Variants in DHX37 observed in about 807,000 individuals in gnomAD.
DHX37 encodes probable ATP-dependent RNA helicase DHX37.
In DHX37, 52 loss-of-function variants were observed where a neutral mutation model predicts 134.3. That is an observed-to-expected ratio of 0.39 (90% confidence interval 0.31 to 0.49). The LOEUF is 0.49. DHX37 is among the 20% of genes least tolerant of loss of function. DHX37 has a pLI of 0.93. For synonymous variants in DHX37, 634 were observed against 670.7 expected (o/e 0.95, Z 0.85); for missense variants, 1,344 against 1,580.8 (o/e 0.85, Z 2.54).
Position 124,949,877 on chromosome 12 carries a change from G to T in DHX37, c.3290+109C>A. On this transcript the variant is annotated intron_variant, in intron 25 of 26. Coordinates refer to ENST00000308736, the MANE Select transcript of DHX37 (RefSeq NM_032656.4). This position sits in a 1 kb window ranked among gnomAD's most constrained non-coding sequence, Gnocchi z 4.0. ...CCTTCAGACCTGAGCACAGACTTCT[G>T]ATGTTTTAAGCCTCCCTGTGTGTGG... is the stretch of plus-strand genomic sequence containing the variant. 1 of 1,226,040 alleles carries T rather than the reference G, an allele frequency of 8.2e-7. No individual in the cohort carries two copies. The highest frequency in any genetic ancestry group is 1.1e-6 in the Non-Finnish European group (1 of 873,426). 75.9% of individuals were successfully genotyped at this position (1,226,040 alleles called of 1,614,324 possible).
In DHX37 at chr12:124,956,770, G is replaced by A. The variant is rs369473407; in HGVS notation, c.2374C>T (p.Arg792Ter). Residue 792 changes from arginine (R) to a stop codon, truncating the protein, a stop_gained, in exon 18 of 27, where the codon CGA (arginine) becomes TGA (stop). Coordinates refer to ENST00000308736, the MANE Select transcript of DHX37 (RefSeq NM_032656.4). LOFTEE classifies it high-confidence loss of function. ...GCATAGGGCAGGCAGCCGTGTTGTC[G>A]GCTCAGTGCCAGCATCTTAGCGTAG... ...PRYAKMLALS[R>*]QHGCLPYAIT... 1.9e-6 allele frequency: 3 copies of A among 1,610,912 alleles called. No homozygotes were observed. The highest frequency in any genetic ancestry group is 2.5e-6 in the Non-Finnish European group (3 of 1,177,666).
At chr12:124,956,418 A>G (rs1006036442) in intron 18 of DHX37, among the ~76,000 whole-genome samples, 1 of 152,250 alleles carries the variant, frequency 6.6e-6, no homozygotes, top group Non-Finnish European at 1.5e-5. Flanking sequence ...GTCATAATCT[A>G]TAAGTAAATT....
Position 124,980,796 on chromosome 12 carries a change from A to G in DHX37, c.432T>C (p.Ser144=), listed in dbSNP as rs759951975. The G allele has an allele frequency of 6.4e-7, 1 of 1,558,116 alleles. No individual in the cohort carries two copies. Among genetic ancestry groups the G allele is most frequent in the South Asian group, 1.2e-5 (1 of 85,712 alleles). Residue 144 remains serine, a synonymous_variant, in exon 4 of 27, where the codon AGT becomes AGC. Coordinates refer to ENST00000308736, the MANE Select transcript of DHX37 (RefSeq NM_032656.4). The surrounding 1 kb of genome is among the most constrained non-coding windows in gnomAD (Gnocchi z 5.3). ...EVVAPGQEKI[S]SLSGAHRKRR... Reference sequence around the variant, plus strand: ...GCTTCCGGTGGGCACCGCTGAGGCTACTGATCTTCTCCTGGCCCGGGGCTA... The same window carrying G: ...GCTTCCGGTGGGCACCGCTGAGGCTGCTGATCTTCTCCTGGCCCGGGGCTA...
chr12:124,979,779 C>G (rs1954717908), intron 4 of DHX37, among the ~76,000 whole-genome samples: 1 of 152,228 alleles, frequency 6.6e-6, no homozygotes, highest in South Asian at 2.1e-4. Flanking sequence ...TCCTTGCCAC[C>G]AGATGGCACT....
chr12:124,961,214 G>A (rs1400425319), intron 15 of DHX37, among the ~76,000 whole-genome samples: 27 of 66,430 alleles, frequency 4.1e-4, no homozygotes, highest in Non-Finnish European at 5.1e-4. Context: ...ACGTGTGCAC[G>A]CACGCACACG....
chr12:124,959,986 G>A (rs1046006092), intron 16 of DHX37, among the ~76,000 whole-genome samples: 11 of 152,232 alleles, frequency 7.2e-5, no homozygotes, highest in African/African-American at 2.4e-4. Context: ...CCCCTCCACT[G>A]GAGGACTGGG....
chr12:124,957,006 G>T, intron 17 of DHX37, 23 bp downstream of exon 17: 2 of 1,524,082 alleles, frequency 1.3e-6, no homozygotes, highest in Non-Finnish European at 1.8e-6. Context: ...GCAGGAACTG[G>T]GCTCTGCATC....
At chr12:124,972,451 C>A (rs1954541310) in intron 7 of DHX37, 52 bp downstream of exon 7, 1 of 1,594,536 alleles carries the variant, frequency 6.3e-7, no homozygotes, top group African/African-American at 1.3e-5. Context: ...ATCCTAGCAT[C>A]CCGCCCCCAT....
chr12:124,965,956 C>A, intron 12 of DHX37, 144 bp from the exon 13 acceptor site: 1 of 1,020,098 alleles, frequency 9.8e-7, no homozygotes, highest in Non-Finnish European at 1.4e-6. Flanking sequence ...ACATAATTCT[C>A]TCTTCCTGCC....
At position 124,972,616 on chromosome 12, in the gene DHX37, C is replaced by T. The variant is rs139715918; in HGVS notation, c.981-17G>A. ...GAGACGACCCTGTATGGGCAGAGTT[C>T]GGGTTAGGGCAGAGCCGTGCCTGGC... On this transcript the variant is annotated splice_polypyrimidine_tract_variant and intron_variant, in intron 6 of 26. Coordinates refer to ENST00000308736, the MANE Select transcript of DHX37 (RefSeq NM_032656.4). The T allele has an allele frequency of 1.1e-4, 180 of 1,613,606 alleles. No homozygotes were observed. The East Asian group carries it at 2.3e-3, about 20-fold the overall frequency.
At chr12:124,955,498 C>T (rs919162413) in intron 18 of DHX37, among the ~76,000 whole-genome samples, 2 of 152,240 alleles carry the variant, frequency 1.3e-5, no homozygotes, top group Non-Finnish European at 2.9e-5. Flanking sequence ...TTAGTAGAGA[C>T]AGGGTTTCAC....
At chr12:124,948,637 T>G (rs1233319924) in intron 25 of DHX37, 1 of 178,562 alleles carries the variant, frequency 5.6e-6, no homozygotes, top group Non-Finnish European at 1.2e-5. Context: ...TAATCCCAGC[T>G]ACTCAGGAGG....
rs530468463 is a variant in DHX37 at position 124,959,029 on chromosome 12, C to A, written c.2157+1283G>T. Among the ~76,000 whole-genome samples the A allele has an allele frequency of 1.5e-3, 209 of 136,956 alleles. 1 individual carries two copies. Among genetic ancestry groups the A allele is most frequent in the African/African-American group, 7.2e-3 (202 of 28,104 alleles). The allele number at this position is 136,956 out of a possible 152,430, so 89.8% of individuals were successfully genotyped here. A position where few individuals can be genotyped will look rare whatever the true frequency, so the allele number is the denominator to read the frequency against. ...GGTTCCAGTGATTCTCCTGCCTCAG[C>A]CTCCCAAGTAGCTGGGATTATAGGC... On this transcript the variant is annotated intron_variant, in intron 16 of 26. Transcript: ENST00000308736.
chr12:124,957,184 G>A, intron 16 of DHX37, 49 bp from the exon 17 acceptor site: 1 of 1,443,896 alleles, frequency 6.9e-7, no homozygotes, highest in Non-Finnish European at 9.2e-7. Flanking sequence ...CCAAGAACAA[G>A]TCCGGTGCTC....
chr12:124,959,355 G>A (rs1376275126), intron 16 of DHX37, among the ~76,000 whole-genome samples: 4 of 151,830 alleles, frequency 2.6e-5, no homozygotes, highest in African/African-American at 9.7e-5. Context: ...TTACAGGCGT[G>A]AGCCACCACG....
In DHX37 at chr12:124,989,083, C is replaced by A; in HGVS notation, c.-61G>T. ...ACCAGCAGAGCAATCCGAAACCCAG[C>A]CCACGTGGGTTCCCAGACCACCAAC... On this transcript the variant is annotated 5_prime_UTR_variant, in exon 1 of 27. Coordinates refer to ENST00000308736, the MANE Select transcript of DHX37 (RefSeq NM_032656.4). 1 of 1,159,410 alleles carries A rather than the reference C, an allele frequency of 8.6e-7. No individual in the cohort carries two copies. Among genetic ancestry groups the A allele is most frequent in the Non-Finnish European group, 1.1e-6 (1 of 903,872 alleles). 71.8% of individuals were successfully genotyped at this position (1,159,410 alleles called of 1,614,324 possible). A position where few individuals can be genotyped will look rare whatever the true frequency, so the allele number is the denominator to read the frequency against.
At chr12:124,974,557 G>A (rs1954592539) in intron 6 of DHX37, among the ~76,000 whole-genome samples, 1 of 149,758 alleles carries the variant, frequency 6.7e-6, no homozygotes, top group Non-Finnish European at 1.5e-5. Context: ...GGATGGGCCT[G>A]GCACACTAGA....
At chr12:124,974,067 C>T (rs147988227) in intron 6 of DHX37, among the ~76,000 whole-genome samples, 390 of 151,928 alleles carry the variant, frequency 2.6e-3, no homozygotes, top group African/African-American at 8.1e-3. Flanking sequence ...CATTCTCCTG[C>T]CTCAGCCTCC....
chr12:124,985,971 G>A (rs1954863804), intron 2 of DHX37, 125 bp downstream of exon 2: 1 of 1,240,820 alleles, frequency 8.1e-7, no homozygotes, highest in Admixed American at 2.3e-5. Flanking sequence ...ACCATGCACT[G>A]GAATTTTCCT....
Sources: allele counts gnomAD v4.1 joint callset (sites outside exome capture counted in the v4.1 genomes callset), GRCh38; gene constraint gnomAD v4.1.1; non-coding constraint Gnocchi (gnomAD v3.1); transcripts MANE v1.5; gene names NCBI Gene and HGNC (gene_info 2026-07-23, HGNC 2026-07-21).